Variants in FBXO11 observed in about 807,000 individuals in gnomAD.
FBXO11 encodes F-box only protein 11.
Under a neutral mutation model 117.0 loss-of-function variants are expected in FBXO11, and 13 were observed. The ratio of observed to expected loss-of-function variants is 0.11; its 90% CI spans 0.07 to 0.18. The LOEUF is 0.18. Ranked by LOEUF, FBXO11 falls within the 10% of genes least tolerant of loss-of-function variation. The probability of loss-of-function intolerance (pLI) is 1.00; values close to 1 mark genes in which losing one functional copy is unlikely to be tolerated. For missense variants in FBXO11, 767 were observed against 1,164.4 expected, an observed-to-expected ratio of 0.66 and a Z score of 4.97; for synonymous variants, 490 against 380.5, an observed-to-expected ratio of 1.29 and a Z score of -3.35.
intron 1 of FBXO11, among the ~76,000 whole-genome samples, chr2:47,903,154 T>C (rs1409781672): frequency 1.3e-5 from 2 of 152,212 alleles, no homozygotes; most frequent in African/African-American, 4.8e-5. Flanking sequence ...TGTCAATTTT[T>C]CAAAGAATAA....
chr2:47,856,703 G>C (rs1379916009), intron 1 of FBXO11, among the ~76,000 whole-genome samples: 2 of 152,146 alleles, frequency 1.3e-5, no homozygotes, highest in South Asian at 4.1e-4. Context: ...ATATTCGTAA[G>C]GTGAACATTT....
At chr2:47,818,052 T>C (rs1487070336) in intron 16 of FBXO11, among the ~76,000 whole-genome samples, 1 of 152,028 alleles carries the variant, frequency 6.6e-6, no homozygotes, top group Non-Finnish European at 1.5e-5. Flanking sequence ...GAGGCTGAGG[T>C]TGCGGTGAGC....
In FBXO11 at chr2:47,809,277, A is replaced by C. The variant is rs1670448775; in HGVS notation, c.2447-11T>G. The C allele has an allele frequency of 6.8e-7, 1 of 1,465,350 alleles. No individual in the cohort carries two copies. The highest frequency in any genetic ancestry group is 9.4e-7 in the Non-Finnish European group (1 of 1,062,002). 90.8% of individuals were successfully genotyped at this position (1,465,350 alleles called of 1,614,324 possible). A position where few individuals can be genotyped will look rare whatever the true frequency, so the allele number is the denominator to read the frequency against. Reference sequence around the variant, plus strand: ...TCATTATTTTGTTATCTGTAATAAAAGAAAGAATAAGTAAAAATTCAGAGG... The same window carrying C: ...TCATTATTTTGTTATCTGTAATAAACGAAAGAATAAGTAAAAATTCAGAGG... On this transcript the variant is annotated splice_polypyrimidine_tract_variant and intron_variant, in intron 20 of 22. Transcript: ENST00000403359.
At chr2:47,877,466 T>C (rs904701437) in intron 1 of FBXO11, among the ~76,000 whole-genome samples, 8 of 152,232 alleles carry the variant, frequency 5.3e-5, no homozygotes, top group African/African-American at 1.9e-4. Flanking sequence ...TCTGTATCAG[T>C]ACACAGAAAA....
chr2:47,901,000 T>C (rs1678204527), intron 1 of FBXO11, among the ~76,000 whole-genome samples: 1 of 141,942 alleles, frequency 7.0e-6, no homozygotes, highest in Non-Finnish European at 1.5e-5. Context: ...ATATTGCCGG[T>C]GGGGAGATAT....
intron 16 of FBXO11, among the ~76,000 whole-genome samples, chr2:47,817,241 T>A (rs575632953): frequency 2.6e-5 from 4 of 152,364 alleles, no homozygotes; most frequent in African/African-American, 9.6e-5. Context: ...TTCTGCAGCT[T>A]CTTCACCTCT....
chr2:47,881,611 T>A (rs1676437807), intron 1 of FBXO11, among the ~76,000 whole-genome samples: 1 of 152,236 alleles, frequency 6.6e-6, no homozygotes, highest in African/African-American at 2.4e-5. Flanking sequence ...ATTTGATCTG[T>A]GATGTTTAAA....
intron 1 of FBXO11, among the ~76,000 whole-genome samples, chr2:47,873,220 T>C (rs1471624004): frequency 6.6e-6 from 1 of 152,252 alleles, no homozygotes; most frequent in Non-Finnish European, 1.5e-5. Context: ...CAACTTTTCA[T>C]ATGCAGACTT....
Position 47,905,730 on chromosome 2 carries a change from TGAG to T in FBXO11, c.-13_-11del. On this transcript the variant is annotated 5_prime_UTR_variant, in exon 1 of 23. Coordinates refer to ENST00000403359, the MANE Select transcript of FBXO11 (RefSeq NM_001190274.2). ...CTCGGACGGAGTTCATTTGCCGGGC[TGAG>T]GTGGCGGCGTTGGCGGAGGGACACA... 6.6e-7 allele frequency: 1 copy of T among 1,510,088 alleles called. No individual in the cohort carries two copies. Among genetic ancestry groups the T allele is most frequent in the Non-Finnish European group, 8.8e-7 (1 of 1,131,906 alleles). 93.5% of individuals were successfully genotyped at this position (1,510,088 alleles called of 1,614,324 possible). A position where few individuals can be genotyped will look rare whatever the true frequency, so the allele number is the denominator to read the frequency against.
chr2:47,837,505 C>T (rs1192213360), intron 4 of FBXO11, among the ~76,000 whole-genome samples: 3 of 152,076 alleles, frequency 2.0e-5, no homozygotes, highest in Admixed American at 2.0e-4. Context: ...CTAGCCTGGG[C>T]AACAAGAACG....
intron 1 of FBXO11, among the ~76,000 whole-genome samples, chr2:47,900,597 C>T (rs953745277): frequency 8.2e-6 from 1 of 121,696 alleles, no homozygotes; most frequent in Non-Finnish European, 1.9e-5. Flanking sequence ...TACGTATATA[C>T]ACACGTATAC....
intron 1 of FBXO11, among the ~76,000 whole-genome samples, chr2:47,876,369 T>A (rs1276490070): frequency 6.6e-6 from 1 of 152,220 alleles, no homozygotes; most frequent in Non-Finnish European, 1.5e-5. Context: ...CTGTATTATT[T>A]TTTGCAATTC....
intron 1 of FBXO11, among the ~76,000 whole-genome samples, chr2:47,859,567 A>C (rs915522200): frequency 5.3e-5 from 8 of 152,324 alleles, no homozygotes; most frequent in African/African-American, 1.9e-4. Context: ...GACCTCAAGA[A>C]AGATTCTCTT....
At chr2:47,899,394 A>C (rs1379473867) in intron 1 of FBXO11, among the ~76,000 whole-genome samples, 1 of 152,200 alleles carries the variant, frequency 6.6e-6, no homozygotes, top group African/African-American at 2.4e-5. Context: ...CAGCTGATAC[A>C]ATCCCTTACT....
intron 1 of FBXO11, among the ~76,000 whole-genome samples, chr2:47,882,573 T>C (rs1430921492): frequency 6.6e-6 from 1 of 152,234 alleles, no homozygotes; most frequent in Non-Finnish European, 1.5e-5. Flanking sequence ...TTATTTCCAT[T>C]TTTTAAAATC....
chr2:47,860,983 T>C (rs940166658), intron 1 of FBXO11, among the ~76,000 whole-genome samples: 1 of 151,330 alleles, frequency 6.6e-6, no homozygotes, highest in East Asian at 2.0e-4. Context: ...AGTAGCTGGG[T>C]TTGCATTTTT....
At chr2:47,838,697 T>G (rs1252640714) in intron 4 of FBXO11, among the ~76,000 whole-genome samples, 162 bp downstream of exon 4, 1 of 152,238 alleles carries the variant, frequency 6.6e-6, no homozygotes, top group African/African-American at 2.4e-5. Flanking sequence ...AAATACCACC[T>G]GGACTGACAG....
intron 1 of FBXO11, among the ~76,000 whole-genome samples, chr2:47,859,136 T>C (rs373140265): frequency 3.3e-5 from 5 of 152,118 alleles, no homozygotes; most frequent in Middle Eastern, 3.4e-3. Context: ...CAACTCTTAA[T>C]GGCACTAACA....
At chr2:47,826,349 G>A (rs763263467) in intron 11 of FBXO11, among the ~76,000 whole-genome samples, 2 of 152,112 alleles carry the variant, frequency 1.3e-5, no homozygotes, top group Non-Finnish European at 2.9e-5. Flanking sequence ...GAGCCACCGC[G>A]CCCAGCTGAT....
Sources: gnomAD v4.1 joint callset for allele counts (sites outside exome capture counted in the v4.1 genomes callset) on GRCh38, gnomAD v4.1.1 for gene constraint, MANE v1.5 for transcripts, NCBI Gene and HGNC (gene_info 2026-07-23, HGNC 2026-07-21) for gene names.